The following LRRC49 variants were observed in gnomAD, a reference collection of about 807,000 sequenced individuals.
LRRC49 encodes leucine rich repeat containing 49.
LRRC49 carries 50 observed loss-of-function variants against 83.3 expected under a neutral mutation model. The ratio of observed to expected loss-of-function variants is 0.60; its 90% confidence interval spans 0.48 to 0.76. The LOEUF (loss-of-function observed/expected upper bound fraction) is 0.76. Among genes scored for constraint, LRRC49 ranks in the 30% least tolerant of loss-of-function variants. The pLI is 0.00. For synonymous variants in LRRC49, 286 were observed against 283.3 expected, an observed-to-expected ratio of 1.01 and a Z score of -0.10; for missense variants, 704 against 809.1, an observed-to-expected ratio of 0.87 and a Z score of 1.58.
At chr15:70,957,014 CT>C (rs1373989456) in intron 8 of LRRC49, among the ~76,000 whole-genome samples, 7 of 152,128 alleles carry the variant, frequency 4.6e-5, no homozygotes, top group Non-Finnish European at 1.0e-4. Flanking sequence ...TCTTTTAGAT[CT>C]CTGAAGTTCT....
chr15:70,909,546 A>T (rs2034457847), intron 5 of LRRC49, among the ~76,000 whole-genome samples: 3 of 152,116 alleles, frequency 2.0e-5, no homozygotes, highest in Admixed American at 2.0e-4. Context: ...AATTGTGTTG[A>T]AAGTTGTACC....
rs1388592488 is a variant in LRRC49 at position 71,008,587 on chromosome 15, A to C, written c.1378A>C (p.Lys460Gln). 1 of 1,611,900 alleles carries C rather than the reference A, an allele frequency of 6.2e-7. No individual in the cohort carries two copies. Among genetic ancestry groups the C allele is most frequent in the African/African-American group, 1.3e-5 (1 of 74,860 alleles). ...EFDEIVQVLPKLKIKFPNSLH... is the reference protein window; with the variant it reads ...EFDEIVQVLPQLKIKFPNSLH... ...TGATGAAATCGTCCAAGTGCTTCCT[A>C]AACTGAAGATTAAGTTTCCTAATTC... Residue 460 changes from lysine (K) to glutamine (Q), a missense_variant, in exon 12 of 16, where the codon AAA becomes CAA. Lys to Gln is a moderately conservative substitution (Grantham distance 53, BLOSUM62 1). Coordinates refer to ENST00000260382, the MANE Select transcript of LRRC49 (RefSeq NM_017691.5).
intron 9 of LRRC49, among the ~76,000 whole-genome samples, chr15:70,971,797 CTTTTTTTTTTTT>C (rs56230666): frequency 8.5e-5 from 7 of 82,278 alleles, no homozygotes; most frequent in African/African-American, 2.9e-4. Context: ...GTAACCACTC[CTTTTTTTTTTTT>C]TTTTTTTTTG....
At chr15:70,963,636 G>A in intron 8 of LRRC49, 149 bp from the exon 9 acceptor site, 1 of 707,428 alleles carries the variant, frequency 1.4e-6, no homozygotes, top group Non-Finnish European at 2.3e-6. Flanking sequence ...TAGCAATAGG[G>A]GAAACTGGGT....
chr15:70,979,301 G>A (rs2037317453), intron 9 of LRRC49, among the ~76,000 whole-genome samples: 1 of 152,006 alleles, frequency 6.6e-6, no homozygotes, highest in African/African-American at 2.4e-5. Flanking sequence ...TGTTTGTAAG[G>A]TTATTTTGTC....
chr15:71,046,180 G>A (rs1013448133), intron 15 of LRRC49, among the ~76,000 whole-genome samples: 29 of 152,274 alleles, frequency 1.9e-4, no homozygotes, highest in African/African-American at 5.5e-4. Context: ...TGTCTTTTTG[G>A]TAGAATGATT....
At chr15:70,979,485 T>A (rs925055128) in intron 9 of LRRC49, among the ~76,000 whole-genome samples, 1 of 151,950 alleles carries the variant, frequency 6.6e-6, no homozygotes, top group Non-Finnish European at 1.5e-5. Flanking sequence ...ACATATAAGA[T>A]CTATTCTCTT....
intron 3 of LRRC49, among the ~76,000 whole-genome samples, chr15:70,898,090 G>A (rs952724577): frequency 6.6e-6 from 1 of 152,098 alleles, no homozygotes; most frequent in Non-Finnish European, 1.5e-5. Context: ...CCATCCACCT[G>A]TCTGTCCATC....
intron 8 of LRRC49, among the ~76,000 whole-genome samples, chr15:70,963,162 A>G (rs2036666556): frequency 1.3e-5 from 2 of 151,594 alleles, no homozygotes; most frequent in South Asian, 2.1e-4. Context: ...TGTAGTTCCA[A>G]CTACTTGGGT....
intron 9 of LRRC49, among the ~76,000 whole-genome samples, chr15:70,975,121 A>G (rs925690150): frequency 2.6e-5 from 4 of 152,342 alleles, no homozygotes; most frequent in African/African-American, 7.2e-5. Context: ...ATTTTTTTCT[A>G]CAGTGGTCAG....
At chr15:70,933,600 A>G (rs940454744) in intron 7 of LRRC49, among the ~76,000 whole-genome samples, 88 of 152,352 alleles carry the variant, frequency 5.8e-4, no homozygotes, top group Non-Finnish European at 1.2e-4. Context: ...GCTCCTGCAG[A>G]GTACCGCCAG....
rs185784492 is a variant in LRRC49, at chr15:70,932,880, C to A, written c.712-3881C>A. Among the ~76,000 whole-genome samples the A allele has an allele frequency of 1.3e-4, 20 of 152,174 alleles. No homozygotes were observed. The East Asian group carries it at 1.9e-3, about 15-fold the overall frequency. On this transcript the variant is annotated intron_variant, in intron 7 of 15. Transcript: ENST00000260382. ...AAGTAGCTGGGACTATAGGCACACG[C>A]CTCCGTGCCTGGCTAATTTTTGTAT... is the stretch of plus-strand genomic sequence containing the variant.
At chr15:70,941,240 C>T (rs970498631) in intron 8 of LRRC49, among the ~76,000 whole-genome samples, 12 of 152,076 alleles carry the variant, frequency 7.9e-5, no homozygotes, top group African/African-American at 2.4e-4. Flanking sequence ...GTTTGATCAT[C>T]CTCAGGGCTG....
intron 14 of LRRC49, among the ~76,000 whole-genome samples, chr15:71,017,447 TA>T (rs919582532): frequency 4.5e-4 from 69 of 152,080 alleles, no homozygotes; most frequent in African/African-American, 1.6e-3. Context: ...TGAAAATACA[TA>T]AGCAGACAGG....
chr15:71,032,345 C>A (rs1308850568), intron 14 of LRRC49, among the ~76,000 whole-genome samples: 4 of 151,994 alleles, frequency 2.6e-5, no homozygotes, highest in African/African-American at 9.7e-5. Flanking sequence ...GAACTGGGTA[C>A]CTCAGTTGGA....
chr15:70,859,734 G>A (rs114245348), intron 1 of LRRC49: 36 of 703,186 alleles, frequency 5.1e-5, no homozygotes, highest in African/African-American at 1.9e-4. Context: ...GTGGAGCAGC[G>A]TGGGGAGCTG....
chr15:70,960,032 C>T (rs148021252), intron 8 of LRRC49, among the ~76,000 whole-genome samples: 3 of 152,272 alleles, frequency 2.0e-5, no homozygotes, highest in Non-Finnish European at 4.4e-5. Context: ...AGTTTAGAGT[C>T]CAGTTTTTAA....
intron 15 of LRRC49, among the ~76,000 whole-genome samples, chr15:71,040,042 G>A (rs188025560): frequency 2.5e-4 from 38 of 152,248 alleles, no homozygotes; most frequent in African/African-American, 8.9e-4. Context: ...CCAGAATACA[G>A]CAGAACATTA....
intron 8 of LRRC49, among the ~76,000 whole-genome samples, chr15:70,941,363 C>A (rs1238061888): frequency 6.6e-6 from 1 of 151,918 alleles, no homozygotes; most frequent in African/African-American, 2.4e-5. Flanking sequence ...TATTAAAGTG[C>A]TGTTTTTCCT....
Sources: gnomAD v4.1 joint callset for allele counts (sites outside exome capture counted in the v4.1 genomes callset) on GRCh38, gnomAD v4.1.1 for gene constraint, MANE v1.5 for transcripts, NCBI Gene and HGNC (gene_info 2026-07-23, HGNC 2026-07-21) for gene names.